SEMA6D: variants seen among roughly 807,000 people sequenced by gnomAD.
SEMA6D encodes semaphorin 6D.
SEMA6D carries 35 observed loss-of-function variants against 106.6 expected under a neutral mutation model. The observed-to-expected ratio is 0.33, with a 90% confidence interval of 0.25 to 0.44. The LOEUF (loss-of-function observed/expected upper bound fraction) is 0.44. Among genes scored for constraint, SEMA6D ranks in the 20% least tolerant of loss-of-function variants. SEMA6D has a pLI of 1.00. For synonymous variants in SEMA6D, 499 were observed against 487.7 expected (o/e 1.02, Z -0.31); for missense variants, 1,185 against 1,345.9 (o/e 0.88, Z 1.87).
intron 1 of SEMA6D, among the ~76,000 whole-genome samples, chr15:47,352,313 A>G (rs1232182694): frequency 1.3e-5 from 2 of 152,204 alleles, no homozygotes; most frequent in Non-Finnish European, 2.9e-5. Flanking sequence ...ACAAAGACTC[A>G]ATATTAAAGT....
intron 1 of SEMA6D, among the ~76,000 whole-genome samples, chr15:47,411,268 T>A (rs2040788315): frequency 6.6e-6 from 1 of 152,092 alleles, no homozygotes; most frequent in Non-Finnish European, 1.5e-5. Context: ...GCTAATTTTT[T>A]GTATTTTTAG....
chr15:47,293,015 A>C (rs562651308), intron 1 of SEMA6D, among the ~76,000 whole-genome samples: 44 of 152,258 alleles, frequency 2.9e-4, no homozygotes, highest in South Asian at 8.3e-4. Context: ...GATTTCTTGC[A>C]TCTTTTTCTG....
intron 2 of SEMA6D, among the ~76,000 whole-genome samples, chr15:47,467,324 T>A (rs928334563): frequency 2.0e-5 from 3 of 152,120 alleles, no homozygotes; most frequent in Admixed American, 2.0e-4. Context: ...ACCCTGGAAA[T>A]CACTGTGGAT....
chr15:47,440,042 G>A (rs774328970), intron 2 of SEMA6D, among the ~76,000 whole-genome samples: 4 of 152,064 alleles, frequency 2.6e-5, no homozygotes, highest in African/African-American at 9.7e-5. Context: ...CAAGTGGCTC[G>A]CATGCCGGAA....
At chr15:47,555,652 T>C (rs1408742617) in intron 3 of SEMA6D, among the ~76,000 whole-genome samples, 1 of 152,136 alleles carries the variant, frequency 6.6e-6, no homozygotes, top group Non-Finnish European at 1.5e-5. Flanking sequence ...AGTTTCTGAT[T>C]CAGAAAGTCT....
chr15:47,383,220 A>G (rs899284536), intron 1 of SEMA6D, among the ~76,000 whole-genome samples: 1 of 152,302 alleles, frequency 6.6e-6, no homozygotes, highest in Non-Finnish European at 1.5e-5. Context: ...GTGATTCCCT[A>G]TGGTCGAGGA....
At chr15:47,502,146 C>T (rs943160299) in intron 3 of SEMA6D, among the ~76,000 whole-genome samples, 5 of 152,150 alleles carry the variant, frequency 3.3e-5, no homozygotes, top group Middle Eastern at 3.4e-3. Flanking sequence ...AAATCTGTGC[C>T]GTACACATAT....
rs138800067 is a variant in SEMA6D at position 47,731,835 on chromosome 15, C to T, written c.-55+14143C>T. Among the ~76,000 whole-genome samples the T allele has an allele frequency of 5.9e-3, 904 of 152,192 alleles. 5 individuals are homozygous for T. Among genetic ancestry groups the T allele is most frequent in the Admixed American group, 0.02 (313 of 15,290 alleles). On this transcript the variant is annotated intron_variant, in intron 1 of 18. Transcript: ENST00000536845. ...ATGTATATGTATGTACATATGTCCACGCTATACATAGGTGTATGTAAATAT... is the reference window on the plus strand; with the variant it reads ...ATGTATATGTATGTACATATGTCCATGCTATACATAGGTGTATGTAAATAT...
chr15:47,236,746 A>AG (rs2032570770), intron 1 of SEMA6D, among the ~76,000 whole-genome samples: 1 of 152,194 alleles, frequency 6.6e-6, no homozygotes, highest in South Asian at 2.1e-4. Flanking sequence ...GAAAAAGCTG[A>AG]GGAATTATTT....
At chr15:47,245,257 G>A (rs1484707038) in intron 1 of SEMA6D, among the ~76,000 whole-genome samples, 2 of 152,110 alleles carry the variant, frequency 1.3e-5, no homozygotes, top group East Asian at 1.9e-4. Context: ...TATGTCTTAA[G>A]TTCTTTGAGA....
intron 2 of SEMA6D, among the ~76,000 whole-genome samples, chr15:47,469,859 T>G (rs980670910): frequency 6.6e-6 from 1 of 152,170 alleles, no homozygotes; most frequent in Non-Finnish European, 1.5e-5. Context: ...TTACTCCCAC[T>G]TAAGTTGAAA....
intron 1 of SEMA6D, among the ~76,000 whole-genome samples, chr15:47,720,261 C>CTTTTTTTTTTTTTTTTT (rs869122623): frequency 1.0e-5 from 1 of 97,164 alleles, no homozygotes. Context: ...AATAACCTTT[C>CTTTTTTTTTTTTTTTTT]TTTTTTTTTT....
chr15:47,659,243 A>G (rs747145512), intron 4 of SEMA6D, among the ~76,000 whole-genome samples: 3 of 151,938 alleles, frequency 2.0e-5, no homozygotes, highest in African/African-American at 7.2e-5. Flanking sequence ...ATTTTAGCAC[A>G]TTATATACAA....
Position 47,509,215 on chromosome 15 carries a change from G to T in SEMA6D, c.-87+38670G>T, listed in dbSNP as rs988940592. On this transcript the variant is annotated intron_variant, in intron 3 of 19. Coordinates refer to the SEMA6D transcript ENST00000558014. ...GTGAGGAAGCATTTGCTAAATTCTG[G>T]TGTACCTGTGTGTTTGTGTGTGTGT... Among the ~76,000 whole-genome samples the T allele has an allele frequency of 3.3e-5, 5 of 152,042 alleles. No individual in the cohort carries two copies. The East Asian group carries it at 9.7e-4, about 29-fold the overall frequency.
intron 1 of SEMA6D, among the ~76,000 whole-genome samples, chr15:47,341,976 A>G (rs527858591): frequency 8.7e-5 from 13 of 150,040 alleles, no homozygotes; most frequent in Non-Finnish European, 1.8e-4. Flanking sequence ...AAATCATTCC[A>G]TGTCTTCCCT....
chr15:47,320,024 G>A (rs1161046987), intron 1 of SEMA6D, among the ~76,000 whole-genome samples: 3 of 152,106 alleles, frequency 2.0e-5, no homozygotes, highest in Non-Finnish European at 2.9e-5. Flanking sequence ...CTTGAAGTCA[G>A]TGCTTTGTCC....
At chr15:47,402,960 C>T (rs1258780030) in intron 1 of SEMA6D, among the ~76,000 whole-genome samples, 1 of 152,124 alleles carries the variant, frequency 6.6e-6, no homozygotes, top group Admixed American at 6.5e-5. Flanking sequence ...GCACTGTTCT[C>T]ACTAGGGAGG....
At chr15:47,338,589 C>T (rs1377724845) in intron 1 of SEMA6D, among the ~76,000 whole-genome samples, 1 of 152,096 alleles carries the variant, frequency 6.6e-6, no homozygotes, top group East Asian at 1.9e-4. Context: ...GCCTGCAAAC[C>T]TGAGTAGCCT....
intron 11 of SEMA6D, 99 bp from the exon 12 acceptor site, chr15:47,764,539 C>T (rs987742626): frequency 4.1e-5 from 62 of 1,520,962 alleles, no homozygotes; most frequent in Non-Finnish European, 4.9e-5. Flanking sequence ...TCCTTCCTCA[C>T]TTGACCTCTT....
Sources: gnomAD v4.1 joint callset for allele counts (sites outside exome capture counted in the v4.1 genomes callset) on GRCh38, gnomAD v4.1.1 for gene constraint, MANE v1.5 for transcripts, NCBI Gene and HGNC (gene_info 2026-07-23, HGNC 2026-07-21) for gene names.